Variants in SORL1 observed in about 807,000 individuals in gnomAD.
SORL1 encodes sortilin related receptor 1.
A neutral mutation model predicts 273.7 loss-of-function variants in SORL1; 127 were observed. The observed-to-expected ratio is 0.46, with a 90% confidence interval of 0.40 to 0.54. SORL1 has a LOEUF of 0.54. Ranked by LOEUF, SORL1 falls within the 20% of genes least tolerant of loss-of-function variation. The probability of loss-of-function intolerance (pLI) is 0.00; values close to 1 mark genes in which losing one functional copy is unlikely to be tolerated. For synonymous variants in SORL1, 1,031 were observed against 1,067.4 expected (o/e 0.97, Z 0.66); for missense variants, 2,494 against 2,846.1 (o/e 0.88, Z 2.81).
At chr11:121,624,596 G>A (rs771747771) in intron 45 of SORL1, among the ~76,000 whole-genome samples, 11 of 152,214 alleles carry the variant, frequency 7.2e-5, no homozygotes, top group Non-Finnish European at 1.0e-4. Flanking sequence ...GAAGTGAGCC[G>A]ACAAGGTCAT....
At chr11:121,485,039 G>A (rs1861452257) in intron 3 of SORL1, among the ~76,000 whole-genome samples, 1 of 152,214 alleles carries the variant, frequency 6.6e-6, no homozygotes, top group African/African-American at 2.4e-5. Flanking sequence ...ACAGGCATGA[G>A]CCACCCCGCC....
chr11:121,454,254 T>C (rs137862445), intron 1 of SORL1, among the ~76,000 whole-genome samples: 3,121 of 152,354 alleles, frequency 0.02, 102 homozygotes, highest in African/African-American at 0.071. Flanking sequence ...GCTGTGCTCT[T>C]GAATCAGCAT....
intron 8 of SORL1, among the ~76,000 whole-genome samples, chr11:121,514,874 G>T (rs1861928732): frequency 6.6e-6 from 1 of 152,218 alleles, no homozygotes; most frequent in Non-Finnish European, 1.5e-5. Context: ...CCATCAAGGG[G>T]TGGTGGAGGA....
chr11:121,531,741 G>A (rs575312771), intron 11 of SORL1, among the ~76,000 whole-genome samples: 1 of 152,330 alleles, frequency 6.6e-6, no homozygotes, highest in East Asian at 1.9e-4. Flanking sequence ...GGGTTAGGCT[G>A]CGACTTGCGT....
chr11:121,512,841 C>A (rs754189544), intron 6 of SORL1, among the ~76,000 whole-genome samples, 162 bp from the exon 7 acceptor site: 1 of 152,166 alleles, frequency 6.6e-6, no homozygotes, highest in Non-Finnish European at 1.5e-5. Flanking sequence ...CCAAACTGCC[C>A]AGTGATGGCA....
chr11:121,452,635 C>A lies in SORL1; in HGVS notation c.285+19C>A. ...CGGACAGGTGAGCAGTTTTGCAACC[C>A]GCCTCCCTCCAGTTTTTTCCTCTCC... On this transcript the variant is annotated intron_variant, in intron 1 of 47. Coordinates refer to ENST00000260197, the MANE Select transcript of SORL1 (RefSeq NM_003105.6). The surrounding 1 kb of genome is among the most constrained non-coding windows in gnomAD (Gnocchi z 5.3). The A allele has an allele frequency of 6.9e-7, 1 of 1,440,004 alleles. No homozygotes were observed. The highest frequency in any genetic ancestry group is 9.1e-7 in the Non-Finnish European group (1 of 1,099,762). 89.2% of individuals were successfully genotyped at this position (1,440,004 alleles called of 1,614,324 possible). A position where few individuals can be genotyped will look rare whatever the true frequency, so the allele number is the denominator to read the frequency against.
intron 38 of SORL1, chr11:121,610,867 A>G (rs1351688151): frequency 2.0e-6 from 1 of 488,398 alleles, no homozygotes; most frequent in Admixed American, 3.6e-5. Context: ...CTGAGCCAAG[A>G]TAGTTTTGTG....
At chr11:121,484,798 G>A (rs1861447725) in intron 3 of SORL1, among the ~76,000 whole-genome samples, 1 of 152,162 alleles carries the variant, frequency 6.6e-6, no homozygotes, top group African/African-American at 2.4e-5. Context: ...TCATCACCCA[G>A]GCTGGAGTGC....
intron 26 of SORL1, 86 bp downstream of exon 26, chr11:121,583,669 A>G: frequency 7.0e-7 from 1 of 1,438,246 alleles, no homozygotes; most frequent in African/African-American, 1.4e-5. Context: ...CAGGGGATGA[A>G]ATGCTGTTCT....
chr11:121,541,309 C>T (rs575085204), intron 12 of SORL1, among the ~76,000 whole-genome samples: 1 of 151,994 alleles, frequency 6.6e-6, no homozygotes, highest in Admixed American at 6.6e-5. Flanking sequence ...TCAAGCAATC[C>T]TCACACCTCA....
At chr11:121,625,056 C>T (rs755391479) in intron 45 of SORL1, 29 bp from the exon 46 acceptor site, 1 of 1,538,196 alleles carries the variant, frequency 6.5e-7, no homozygotes, top group Admixed American at 1.7e-5. Flanking sequence ...TATTCGACTT[C>T]CTGAGCAATC....
At chr11:121,588,349 G>C (rs527692439) in intron 28 of SORL1, among the ~76,000 whole-genome samples, 198 bp downstream of exon 28, 1 of 152,302 alleles carries the variant, frequency 6.6e-6, no homozygotes, top group East Asian at 1.9e-4. Flanking sequence ...TTCTGAGAAA[G>C]ACTTTCTTTT....
At chr11:121,615,603 A>G (rs1863628515) in intron 41 of SORL1, among the ~76,000 whole-genome samples, 2 of 152,288 alleles carry the variant, frequency 1.3e-5, no homozygotes, top group Non-Finnish European at 2.9e-5. Flanking sequence ...CTCAATGGAA[A>G]AGCATACAGA....
intron 2 of SORL1, among the ~76,000 whole-genome samples, chr11:121,477,472 C>T (rs1257590473): frequency 2.6e-5 from 4 of 152,328 alleles, no homozygotes; most frequent in Non-Finnish European, 5.9e-5. Flanking sequence ...ATTTGTTAAA[C>T]ACTGAACTCA....
At chr11:121,460,174 TGAA>T (rs1329717133) in intron 1 of SORL1, among the ~76,000 whole-genome samples, 1 of 152,136 alleles carries the variant, frequency 6.6e-6, no homozygotes, top group South Asian at 2.1e-4. Context: ...GTTTTTTAAA[TGAA>T]GAAGGTAACT....
rs565564666 is a variant in SORL1, at chr11:121,578,597, T to TC, written c.3580+1199dup. On this transcript the variant is annotated intron_variant, in intron 25 of 47. Transcript: ENST00000260197. ...TTACTCTTTTGTATTCTCTGCAGTGTCCAGCACATAATAGAGTATGTGCTC... is the reference window on the plus strand; with the variant it reads ...TTACTCTTTTGTATTCTCTGCAGTGTCCCAGCACATAATAGAGTATGTGCTC... 2.6e-4 allele frequency among the ~76,000 whole-genome samples: 40 copies of TC among 152,348 alleles called. No individual in the cohort carries two copies. The South Asian group carries it at 8.3e-3, about 32-fold the overall frequency.
At chr11:121,503,266 A>AAT (rs1240671422) in intron 6 of SORL1, among the ~76,000 whole-genome samples, 1 of 152,002 alleles carries the variant, frequency 6.6e-6, no homozygotes, top group Non-Finnish European at 1.5e-5. Flanking sequence ...TGAGGTCATG[A>AAT]ATATATACTT....
intron 45 of SORL1, among the ~76,000 whole-genome samples, chr11:121,623,445 A>G (rs1038214157): frequency 9.2e-5 from 14 of 152,256 alleles, no homozygotes; most frequent in African/African-American, 3.4e-4. Flanking sequence ...AGCAACGTGC[A>G]TGAAGAATTT....
rs149709238 is a variant in SORL1, at chr11:121,604,958, A to G, written c.4652-155A>G. ...TTTTTTTTTTGTATTTTTAGTAGAG[A>G]CGGGGTTTAGCCACATTGCCCAGGC... On this transcript the variant is annotated intron_variant, in intron 33 of 47. Coordinates refer to ENST00000260197, the MANE Select transcript of SORL1 (RefSeq NM_003105.6). Among the ~76,000 whole-genome samples, 1,119 of 151,622 alleles carry G rather than the reference A, an allele frequency of 7.4e-3. 5 individuals are homozygous for G. The highest frequency in any genetic ancestry group is 0.012 in the Admixed American group (177 of 15,246).
Sources: allele counts gnomAD v4.1 joint callset (sites outside exome capture counted in the v4.1 genomes callset), GRCh38; gene constraint gnomAD v4.1.1; non-coding constraint Gnocchi (gnomAD v3.1); transcripts MANE v1.5; gene names NCBI Gene and HGNC (gene_info 2026-07-23, HGNC 2026-07-21).